Variants in RSPO3 observed in about 807,000 individuals in gnomAD.
The protein encoded by RSPO3 is R-spondin-3.
In RSPO3, 17 loss-of-function variants were observed where a neutral mutation model predicts 36.5. The observed-to-expected ratio is 0.47, with a 90% CI of 0.32 to 0.70. The LOEUF is 0.70. Among genes scored for constraint, RSPO3 ranks in the 30% least tolerant of loss-of-function variants. The pLI is 0.04. For missense variants in RSPO3, 294 were observed against 322.5 expected (o/e 0.91, Z 0.68); for synonymous variants, 108 against 107.0 (o/e 1.01, Z -0.06).
At chr6:127,154,530 C>T (rs921144566) in intron 3 of RSPO3, among the ~76,000 whole-genome samples, 1 of 152,140 alleles carries the variant, frequency 6.6e-6, no homozygotes, top group Non-Finnish European at 1.5e-5. Context: ...CCAGAATTCA[C>T]ATATAATAGA....
chr6:127,119,655 A>C (rs1043501522), intron 1 of RSPO3, among the ~76,000 whole-genome samples: 28 of 152,366 alleles, frequency 1.8e-4, no homozygotes, highest in African/African-American at 6.7e-4. Context: ...TGGGACTCCC[A>C]GACGCAGGAT....
intron 3 of RSPO3, among the ~76,000 whole-genome samples, chr6:127,154,816 C>A (rs930978179): frequency 2.6e-5 from 4 of 152,144 alleles, no homozygotes; most frequent in African/African-American, 9.7e-5. Context: ...TTTGTTTTAG[C>A]AAGCCCTCCA....
At chr6:127,127,351 A>G (rs1286331425) in intron 1 of RSPO3, among the ~76,000 whole-genome samples, 1 of 152,136 alleles carries the variant, frequency 6.6e-6, no homozygotes, top group African/African-American at 2.4e-5. Flanking sequence ...AGCAAATATC[A>G]ATCACATTTT....
chr6:127,195,215 G>A (rs1232563026), intron 4 of RSPO3, among the ~76,000 whole-genome samples: 1 of 152,108 alleles, frequency 6.6e-6, no homozygotes, highest in Non-Finnish European at 1.5e-5. Context: ...TGCTCAGGCT[G>A]GAGAGTACAG....
rs1391655468 is a variant in RSPO3, at chr6:127,196,623, T to C, written c.*616T>C. On this transcript the variant is annotated 3_prime_UTR_variant, in exon 5 of 5. Transcript: ENST00000356698. ...CCAGAATTGAATATACCATATGGGA[T>C]TGGAGAAAGACAAATGTGGAAGAAA... 2 of 152,210 alleles carry C rather than the reference T, an allele frequency of 1.3e-5. No individual in the cohort carries two copies. Among genetic ancestry groups the C allele is most frequent in the African/African-American group, 4.8e-5 (2 of 41,452 alleles). The allele number at this position is 152,210 out of a possible 1,614,324, so 9.4% of individuals were successfully genotyped here. A position where few individuals can be genotyped will look rare whatever the true frequency, so the allele number is the denominator to read the frequency against.
chr6:127,138,926 T>A (rs1467973103), intron 1 of RSPO3, among the ~76,000 whole-genome samples: 1 of 152,192 alleles, frequency 6.6e-6, no homozygotes, highest in African/African-American at 2.4e-5. Flanking sequence ...GCAGATCCAG[T>A]ACCTCTTCAC....
intron 3 of RSPO3, among the ~76,000 whole-genome samples, chr6:127,153,314 C>T (rs112280713): frequency 1.3e-5 from 2 of 151,742 alleles, no homozygotes; most frequent in Non-Finnish European, 2.9e-5. Context: ...CCTAAATCAC[C>T]TTTGTGTTGT....
intron 4 of RSPO3, among the ~76,000 whole-genome samples, chr6:127,173,306 T>C (rs1023418799): frequency 3.3e-5 from 5 of 151,858 alleles, no homozygotes; most frequent in African/African-American, 1.2e-4. Context: ...ATTGCCAACA[T>C]TGTATTCAAA....
chr6:127,176,216 T>C (rs889367043), intron 4 of RSPO3, among the ~76,000 whole-genome samples: 4 of 151,764 alleles, frequency 2.6e-5, no homozygotes, highest in African/African-American at 7.2e-5. Flanking sequence ...TACTTTAATG[T>C]TCTAAAACAA....
intron 4 of RSPO3, among the ~76,000 whole-genome samples, chr6:127,192,950 A>G (rs953629876): frequency 6.6e-6 from 1 of 152,156 alleles, no homozygotes; most frequent in African/African-American, 2.4e-5. Context: ...ATTACACGTG[A>G]TTTTTAATGG....
chr6:127,162,714 G>GT lies in RSPO3; in HGVS notation c.634+7277dup, dbSNP rs574893506. Among the ~76,000 whole-genome samples the GT allele has an allele frequency of 6.5e-4, 99 of 152,238 alleles. 2 individuals carry two copies. In the South Asian group the frequency reaches 0.02, roughly 31 times the overall value. ...CGAATGGTTTATATCAGTCCACAAG[G>GT]TAATGACCATAGAGTATCAGCCCTT... On this transcript the variant is annotated intron_variant, in intron 4 of 4. Transcript: ENST00000356698.
chr6:127,166,726 T>G (rs544561103), intron 4 of RSPO3, among the ~76,000 whole-genome samples: 1 of 152,074 alleles, frequency 6.6e-6, no homozygotes, highest in African/African-American at 2.4e-5. Flanking sequence ...TGCCAGATTA[T>G]TTTTCAAAAA....
intron 1 of RSPO3, among the ~76,000 whole-genome samples, chr6:127,129,251 C>T (rs1404234224): frequency 6.6e-6 from 1 of 152,080 alleles, no homozygotes; most frequent in Non-Finnish European, 1.5e-5. Flanking sequence ...TTCTACTTCA[C>T]TCCTAATGTG....
chr6:127,126,452 G>T (rs564283359), intron 1 of RSPO3, among the ~76,000 whole-genome samples: 2 of 152,038 alleles, frequency 1.3e-5, no homozygotes, highest in Admixed American at 6.6e-5. Context: ...TTCAACTGTG[G>T]TTTTTTATGG....
chr6:127,188,645 T>C (rs1354898731), intron 4 of RSPO3, among the ~76,000 whole-genome samples: 3 of 151,884 alleles, frequency 2.0e-5, no homozygotes, highest in Non-Finnish European at 4.4e-5. Context: ...AATACTAAAA[T>C]ATAGGCTTGT....
At chr6:127,127,828 C>T (rs185464505) in intron 1 of RSPO3, among the ~76,000 whole-genome samples, 11 of 151,950 alleles carry the variant, frequency 7.2e-5, no homozygotes, top group African/African-American at 2.7e-4. Context: ...TTTCTTTATC[C>T]TCATTTAACA....
intron 4 of RSPO3, among the ~76,000 whole-genome samples, chr6:127,167,207 G>T (rs1351130335): frequency 2.0e-5 from 3 of 151,890 alleles, no homozygotes; most frequent in African/African-American, 7.3e-5. Flanking sequence ...TGCCATGGTG[G>T]TTTGCTGCAC....
Position 127,185,853 on chromosome 6 carries a change from A to T in RSPO3, c.635-9970A>T, listed in dbSNP as rs148892216. On this transcript the variant is annotated intron_variant, in intron 4 of 4. Coordinates refer to ENST00000356698, the MANE Select transcript of RSPO3 (RefSeq NM_032784.5). The stretch of plus-strand genomic sequence containing the variant: ...AATCAATCACAGCAAACATGTCAGC[A>T]AGTATGAGGCCATCCGCTCCTGTCC... Among the ~76,000 whole-genome samples, 470 of 152,244 alleles carry T rather than the reference A, an allele frequency of 3.1e-3. 8 individuals are homozygous for T. Among genetic ancestry groups the T allele is most frequent in the East Asian group, 6.2e-3 (32 of 5,166 alleles).
chr6:127,185,035 G>A (rs929795328), intron 4 of RSPO3, among the ~76,000 whole-genome samples: 2 of 152,010 alleles, frequency 1.3e-5, no homozygotes, highest in South Asian at 4.1e-4. Flanking sequence ...GTGAAAAGCT[G>A]TAAAATAGGT....
Sources: gnomAD v4.1 joint callset for allele counts (sites outside exome capture counted in the v4.1 genomes callset) on GRCh38, gnomAD v4.1.1 for gene constraint, MANE v1.5 for transcripts, NCBI Gene and HGNC (gene_info 2026-07-23, HGNC 2026-07-21) for gene names.